Variants in SUGCT observed in about 807,000 individuals in gnomAD.
The protein encoded by SUGCT is succinyl-CoA:glutarate CoA-transferase.
In SUGCT, 41 loss-of-function variants were observed where a neutral mutation model predicts 55.0. The ratio of observed to expected loss-of-function variants is 0.74; its 90% CI spans 0.58 to 0.97. The LOEUF (loss-of-function observed/expected upper bound fraction) is 0.97. Among genes scored for constraint, SUGCT ranks in the 50% least tolerant of loss-of-function variants. The pLI, the probability that SUGCT is intolerant of heterozygous loss-of-function variation, is 0.00. For missense variants in SUGCT, 568 were observed against 547.8 expected (o/e 1.04, Z -0.37); for synonymous variants, 187 against 200.4 (o/e 0.93, Z 0.56).
chr7:40,409,021 A>G (rs558106844), intron 9 of SUGCT, among the ~76,000 whole-genome samples: 3 of 152,212 alleles, frequency 2.0e-5, no homozygotes, highest in African/African-American at 4.8e-5. Context: ...TGGTGCAGTC[A>G]TGGCTCACTT....
At chr7:40,617,815 A>G (rs897736561) in intron 12 of SUGCT, among the ~76,000 whole-genome samples, 1 of 152,186 alleles carries the variant, frequency 6.6e-6, no homozygotes, top group African/African-American at 2.4e-5. Flanking sequence ...ACTCATAAAA[A>G]AGCTAAAGAG....
the SUGCT span, among the ~76,000 whole-genome samples, chr7:40,867,844 C>T: frequency 6.6e-6 from 1 of 152,196 alleles, no homozygotes; most frequent in African/African-American, 2.4e-5. Flanking sequence ...ACAGCTGTCA[C>T]ACATTGAGCT....
chr7:40,280,204 T>C (rs910732799), intron 8 of SUGCT, among the ~76,000 whole-genome samples: 1 of 152,206 alleles, frequency 6.6e-6, no homozygotes, highest in South Asian at 2.1e-4. Flanking sequence ...ATGTGGTTTG[T>C]AGTGGGCACC....
intron 10 of SUGCT, among the ~76,000 whole-genome samples, chr7:40,457,490 C>A (rs1220787707): frequency 6.6e-6 from 1 of 151,802 alleles, no homozygotes; most frequent in Non-Finnish European, 1.5e-5. Flanking sequence ...TGGAATATTT[C>A]ACATTTATTT....
chr7:40,237,696 T>C lies in SUGCT; in HGVS notation c.546T>C (p.Val182=). The part of the protein sequence containing the change: ...RAGYDAVASA[V]SGLMHITGPE... ...GTTATGATGCTGTTGCCTCGGCTGTTTCTGGTCTGATGCACATCACAGGGC... is the reference window on the plus strand; with the variant it reads ...GTTATGATGCTGTTGCCTCGGCTGTCTCTGGTCTGATGCACATCACAGGGC... Residue 182 remains valine, a synonymous_variant, in exon 7 of 14, where the codon GTT becomes GTC. Coordinates refer to ENST00000335693, the MANE Select transcript of SUGCT (RefSeq NM_001193313.2). 6.2e-7 allele frequency: 1 copy of C among 1,613,912 alleles called. No homozygotes were observed. Among genetic ancestry groups the C allele is most frequent in the Non-Finnish European group, 8.5e-7 (1 of 1,179,834 alleles).
rs1021371785 is a variant in SUGCT at position 40,291,205 on chromosome 7, C to T, written c.720+16549C>T. Among the ~76,000 whole-genome samples, 28 of 152,114 alleles carry T rather than the reference C, an allele frequency of 1.8e-4. No homozygotes were observed. The South Asian group carries it at 3.5e-3, about 19-fold the overall frequency. On this transcript the variant is annotated intron_variant, in intron 8 of 13. Coordinates refer to ENST00000335693, the MANE Select transcript of SUGCT (RefSeq NM_001193313.2). Reference sequence around the variant, plus strand: ...ATGCTGCTATAAAGACACATGCACACGTGTGTTTATTGCGGCACTATTCAC... The same window carrying T: ...ATGCTGCTATAAAGACACATGCACATGTGTGTTTATTGCGGCACTATTCAC...
chr7:40,832,677 C>CT (rs34767975), intron 13 of SUGCT, among the ~76,000 whole-genome samples: 194 of 141,292 alleles, frequency 1.4e-3, no homozygotes, highest in Non-Finnish European at 2.0e-3. Context: ...TCCACTCCTA[C>CT]TTTTTTTTTT....
intron 12 of SUGCT, among the ~76,000 whole-genome samples, chr7:40,537,141 T>C (rs1794407118): frequency 6.6e-6 from 1 of 152,176 alleles, no homozygotes; most frequent in Non-Finnish European, 1.5e-5. Context: ...AATCTTTCTG[T>C]GACTTTGAGA....
chr7:40,806,476 T>A (rs529402523), intron 13 of SUGCT, among the ~76,000 whole-genome samples: 1 of 152,308 alleles, frequency 6.6e-6, no homozygotes, highest in East Asian at 1.9e-4. Context: ...TTCCTCTCTT[T>A]GCTTATCTTT....
intron 12 of SUGCT, among the ~76,000 whole-genome samples, chr7:40,668,589 A>T (rs1475465905): frequency 1.3e-5 from 2 of 152,206 alleles, no homozygotes. Context: ...TGAAACAAAC[A>T]TAAGAAGACT....
At chr7:40,373,027 T>A (rs1257474192) in intron 9 of SUGCT, among the ~76,000 whole-genome samples, 1 of 151,974 alleles carries the variant, frequency 6.6e-6, no homozygotes, top group Non-Finnish European at 1.5e-5. Flanking sequence ...AAAAATTATA[T>A]CATATGGCTT....
chr7:40,967,626 CT>C, the SUGCT span, among the ~76,000 whole-genome samples: 50 of 147,866 alleles, frequency 3.4e-4, no homozygotes, highest in East Asian at 8.0e-4. Context: ...GCAGTGAATT[CT>C]TTTTTTTTTT....
rs56989808 is a variant in SUGCT, at chr7:40,316,955, G to GTTTTTTTTTTTTTTTTTT, written c.816+101_816+118dup. ...CTTTTTATACACAAATCCTTCAGCTGTTTTTTTTTTTTTTTTTTGTAATGT... is the reference window on the plus strand; with the variant it reads ...CTTTTTATACACAAATCCTTCAGCTGTTTTTTTTTTTTTTTTTTTTTTTTTTTTTTTTTTTTGTAATGT... On this transcript the variant is annotated intron_variant, in intron 9 of 13. Coordinates refer to ENST00000335693, the MANE Select transcript of SUGCT (RefSeq NM_001193313.2). 5.5e-4 allele frequency: 95 copies of GTTTTTTTTTTTTTTTTTT among 173,500 alleles called. 3 individuals carry two copies. The highest frequency in any genetic ancestry group is 7.2e-4 in the Non-Finnish European group (67 of 93,506). 10.7% of individuals were successfully genotyped at this position (173,500 alleles called of 1,614,324 possible).
intron 9 of SUGCT, among the ~76,000 whole-genome samples, chr7:40,389,190 C>T (rs1388205698): frequency 6.6e-6 from 1 of 152,150 alleles, no homozygotes; most frequent in Non-Finnish European, 1.5e-5. Context: ...TGGCTTATGA[C>T]TGTAATCCTA....
chr7:40,140,914 A>G (rs1787948795), intron 1 of SUGCT, among the ~76,000 whole-genome samples: 1 of 152,172 alleles, frequency 6.6e-6, no homozygotes, highest in Non-Finnish European at 1.5e-5. Context: ...AATTGCATTG[A>G]ACCTGCAGAT....
intron 7 of SUGCT, among the ~76,000 whole-genome samples, chr7:40,257,111 C>T (rs1451786487): frequency 6.6e-6 from 1 of 152,052 alleles, no homozygotes; most frequent in East Asian, 1.9e-4. Context: ...GTGGTGCGAT[C>T]TTGGTTCACT....
chr7:40,286,103 C>T (rs1793321514), intron 8 of SUGCT, among the ~76,000 whole-genome samples: 1 of 152,184 alleles, frequency 6.6e-6, no homozygotes, highest in Admixed American at 6.6e-5. Context: ...TCCATCCCTG[C>T]TCCTCATCTA....
chr7:40,289,548 A>G (rs930672779), intron 8 of SUGCT, among the ~76,000 whole-genome samples: 3 of 152,284 alleles, frequency 2.0e-5, no homozygotes, highest in South Asian at 2.1e-4. Flanking sequence ...AGCCAATATC[A>G]TACTGAATGG....
the SUGCT span, among the ~76,000 whole-genome samples, chr7:41,019,528 G>A: frequency 6.6e-6 from 1 of 152,188 alleles, no homozygotes; most frequent in Admixed American, 6.5e-5. Context: ...CTGCCGTCAT[G>A]TTGTTTTTAT....
Sources: allele counts gnomAD v4.1 joint callset (sites outside exome capture counted in the v4.1 genomes callset), GRCh38; gene constraint gnomAD v4.1.1; transcripts MANE v1.5; gene names NCBI Gene and HGNC (gene_info 2026-07-23, HGNC 2026-07-21).